TEX11: variants seen among roughly 807,000 people sequenced by gnomAD.
The protein encoded by TEX11 is testis expressed 11, also known as testis-expressed protein 11.
In TEX11, 7 loss-of-function variants were observed where a neutral mutation model predicts 84.4. The observed-to-expected ratio is 0.08, with a 90% CI of 0.05 to 0.16. The LOEUF (loss-of-function observed/expected upper bound fraction) is 0.16, where lower values mean the gene tolerates loss of function less well. Ranked by LOEUF, TEX11 falls within the 10% of genes least tolerant of loss-of-function variation. The pLI is 1.00. For synonymous variants in TEX11, 264 were observed against 222.8 expected (o/e 1.18, Z -1.64); for missense variants, 551 against 660.5 (o/e 0.83, Z 1.82).
chrX:70,535,260 T>C (rs774370576), intron 28 of TEX11, among the ~76,000 whole-genome samples: 33 of 112,196 alleles, frequency 2.9e-4, no homozygotes, highest in Non-Finnish European at 5.3e-4. Context: ...GCTATATGAA[T>C]AACTTTGCTA....
At chrX:70,576,860 C>A in intron 25 of TEX11, among the ~76,000 whole-genome samples, 1 of 112,103 alleles carries the variant, frequency 8.9e-6, no homozygotes, top group Non-Finnish European at 1.9e-5. Context: ...CCCTGAAGTG[C>A]AAATCCTTTA....
Position 70,699,538 on chromosome X carries a change from T to G in TEX11, c.1005-16713A>C, listed in dbSNP as rs187006234. ...GTCAAAGGATCAAACCACAAACTAT[T>G]GGTAGCAGATCTTTTCTTTTAAAAA... On this transcript the variant is annotated intron_variant, in intron 13 of 29. Coordinates refer to ENST00000374333, the MANE Select transcript of TEX11 (RefSeq NM_031276.3). Among the ~76,000 whole-genome samples the G allele has an allele frequency of 3.1e-4, 35 of 111,826 alleles. No individual in the cohort carries two copies. In the East Asian group the frequency reaches 8.7e-3, roughly 28 times the overall value.
chrX:70,681,731 A>G (rs1009295148), intron 14 of TEX11, among the ~76,000 whole-genome samples: 1 of 110,617 alleles, frequency 9.0e-6, no homozygotes, highest in Non-Finnish European at 1.9e-5. Flanking sequence ...CTCTATTTGC[A>G]AAGTGCTACC....
intron 28 of TEX11, among the ~76,000 whole-genome samples, chrX:70,531,184 T>A (rs2147925381): frequency 9.0e-6 from 1 of 111,727 alleles, no homozygotes; most frequent in South Asian, 3.8e-4. Flanking sequence ...TTCCTGTGCA[T>A]TTTTGTATCT....
chrX:70,685,450 G>C (rs1308376546), intron 13 of TEX11, among the ~76,000 whole-genome samples: 1 of 111,780 alleles, frequency 8.9e-6, no homozygotes, highest in Non-Finnish European at 1.9e-5. Context: ...CAAATCAACA[G>C]AAAGTGCATT....
At chrX:70,515,268 A>ACCCCCC in the TEX11 span, among the ~76,000 whole-genome samples, 13 of 76,365 alleles carry the variant, frequency 1.7e-4, no homozygotes, top group Non-Finnish European at 2.0e-4. Flanking sequence ...TCCCTCCTCC[A>ACCCCCC]CCCCCCCCCA....
intron 13 of TEX11, among the ~76,000 whole-genome samples, chrX:70,703,333 A>C (rs1187094969): frequency 8.9e-6 from 1 of 111,812 alleles, no homozygotes; most frequent in Non-Finnish European, 1.9e-5. Flanking sequence ...TTATAATATC[A>C]TATCTCATGT....
intron 15 of TEX11, among the ~76,000 whole-genome samples, chrX:70,675,828 C>T (rs910846756): frequency 9.0e-6 from 1 of 111,210 alleles, no homozygotes; most frequent in Non-Finnish European, 1.9e-5. Flanking sequence ...CGGGGTTTCA[C>T]CATGTTGGCC....
At chrX:70,905,834 C>T (rs1385925887) in intron 2 of TEX11, among the ~76,000 whole-genome samples, 2 of 106,177 alleles carry the variant, frequency 1.9e-5, no homozygotes, top group African/African-American at 6.8e-5. Context: ...GGCAGATCAC[C>T]TGAGGTCAGG....
intron 9 of TEX11, among the ~76,000 whole-genome samples, chrX:70,766,339 G>A (rs899621889): frequency 2.7e-5 from 3 of 109,989 alleles, no homozygotes; most frequent in Non-Finnish European, 5.7e-5. Context: ...TTGAACCCAG[G>A]TGGTAGAAGT....
chrX:70,673,678 T>C (rs2090044272), intron 15 of TEX11, among the ~76,000 whole-genome samples: 1 of 111,576 alleles, frequency 9.0e-6, no homozygotes, highest in African/African-American at 3.3e-5. Context: ...GAAAACACCA[T>C]CTTTTTCCAT....
intron 4 of TEX11, among the ~76,000 whole-genome samples, chrX:70,870,496 T>C (rs1195657709): frequency 2.7e-5 from 3 of 110,424 alleles, no homozygotes; most frequent in Admixed American, 9.7e-5. Context: ...CCACCACGCA[T>C]GGCTAATTTT....
chrX:70,532,780 T>G (rs1433237194), intron 28 of TEX11, among the ~76,000 whole-genome samples: 1 of 111,092 alleles, frequency 9.0e-6, no homozygotes, highest in Non-Finnish European at 1.9e-5. Flanking sequence ...GGCTTGTGCC[T>G]GTAATCCCAG....
chrX:70,522,494 G>A, the TEX11 span, among the ~76,000 whole-genome samples: 6,607 of 111,386 alleles, frequency 0.059, 489 homozygotes, highest in African/African-American at 0.2. Context: ...TAAGGAACAC[G>A]TAAAAGGAGG....
In TEX11 at chrX:70,608,720, G is replaced by A. The variant is rs773048019; in HGVS notation, c.1879+371C>T. 5.1e-4 allele frequency among the ~76,000 whole-genome samples: 47 copies of A among 93,054 alleles called. 1 individual carries two copies. The highest frequency in any genetic ancestry group is 3.4e-4 in the East Asian group (1 of 2,940). The allele number at this position is 93,054 out of a possible 115,157, so 80.8% of individuals were successfully genotyped here. ...CAAGCCACTGCACTCCAGCCTGGGC[G>A]ACAGAGCGAGACTCCATCTCAAAAA... is the stretch of plus-strand genomic sequence containing the variant. On this transcript the variant is annotated intron_variant, in intron 22 of 29. Transcript: ENST00000374333.
Position 70,686,454 on chromosome X carries a change from C to T in TEX11, c.1005-3629G>A, listed in dbSNP as rs2090189423. Among the ~76,000 whole-genome samples the T allele has an allele frequency of 2.7e-5, 3 of 111,495 alleles. No individual in the cohort carries two copies. In the Admixed American group the frequency reaches 2.9e-4, roughly 11 times the overall value. On this transcript the variant is annotated intron_variant, in intron 13 of 29. Transcript: ENST00000374333. Reference sequence around the variant, plus strand: ...CACAGGAACAGAAAACCAAACACCACATGTTCTCACTCATAAGTGGGAGTT... The same window carrying T: ...CACAGGAACAGAAAACCAAACACCATATGTTCTCACTCATAAGTGGGAGTT...
chrX:70,591,868 G>A (rs1480134048), intron 24 of TEX11, 45 bp from the exon 25 acceptor site: 1 of 974,251 alleles, frequency 1.0e-6, no homozygotes, highest in South Asian at 2.3e-5. Context: ...CAACAAAAAA[G>A]AACTTTAAGC....
chrX:70,629,825 C>T, intron 17 of TEX11, 90 bp from the exon 18 acceptor site: 1 of 693,961 alleles, frequency 1.4e-6, no homozygotes, highest in Non-Finnish European at 2.0e-6. Flanking sequence ...GAATTTGGAA[C>T]TTATTTTAAG....
chrX:70,792,352 A>ATG (rs2091128907), intron 9 of TEX11, among the ~76,000 whole-genome samples: 1 of 11,366 alleles, frequency 8.8e-5, no homozygotes, highest in East Asian at 6.1e-3. Flanking sequence ...ATATATATAT[A>ATG]TATATACACA....
Sources: allele counts gnomAD v4.1 joint callset (sites outside exome capture counted in the v4.1 genomes callset), GRCh38; gene constraint gnomAD v4.1.1; transcripts MANE v1.5; gene names NCBI Gene and HGNC (gene_info 2026-07-23, HGNC 2026-07-21).